ADAMTS6: variants seen among roughly 807,000 people sequenced by gnomAD.
The protein encoded by ADAMTS6 is ADAM metallopeptidase with thrombospondin type 1 motif 6, also known as A disintegrin and metalloproteinase with thrombospondin motifs 6.
In ADAMTS6, 23 loss-of-function variants were observed where a neutral mutation model predicts 144.3. That is an observed-to-expected ratio of 0.16 (90% CI 0.11 to 0.23). The LOEUF is 0.23. Among genes scored for constraint, ADAMTS6 ranks in the 10% least tolerant of loss-of-function variants. ADAMTS6 has a pLI of 1.00. For synonymous variants in ADAMTS6, 444 were observed against 457.5 expected (o/e 0.97, Z 0.38); for missense variants, 999 against 1,379.6 (o/e 0.72, Z 4.37).
At chr5:65,224,091 C>T (rs1369355067) in intron 18 of ADAMTS6, among the ~76,000 whole-genome samples, 3 of 152,110 alleles carry the variant, frequency 2.0e-5, no homozygotes, top group South Asian at 4.1e-4. Flanking sequence ...TGAGCCACAG[C>T]GCCTGGCCTG....
At chr5:65,353,133 T>C (rs1290955646) in intron 7 of ADAMTS6, among the ~76,000 whole-genome samples, 1 of 152,042 alleles carries the variant, frequency 6.6e-6, no homozygotes, top group Non-Finnish European at 1.5e-5. Flanking sequence ...TATGTTGTTA[T>C]CTATGAGGTG....
chr5:65,306,811 G>A (rs1743980806), intron 9 of ADAMTS6, among the ~76,000 whole-genome samples: 2 of 152,120 alleles, frequency 1.3e-5, no homozygotes, highest in South Asian at 4.1e-4. Context: ...TACGCTTATT[G>A]ACATCTCAGA....
intron 22 of ADAMTS6, among the ~76,000 whole-genome samples, chr5:65,174,127 G>C (rs1753803556): frequency 6.6e-6 from 1 of 152,006 alleles, no homozygotes; most frequent in Non-Finnish European, 1.5e-5. Flanking sequence ...AACATTTCCA[G>C]ATCTCCTACA....
chr5:65,247,548 C>T (rs1342254807), intron 14 of ADAMTS6, among the ~76,000 whole-genome samples: 1 of 152,078 alleles, frequency 6.6e-6, no homozygotes, highest in Non-Finnish European at 1.5e-5. Context: ...AAACTCTTAC[C>T]TTCAAGAGAA....
intron 7 of ADAMTS6, among the ~76,000 whole-genome samples, chr5:65,419,110 C>A (rs1755799327): frequency 6.6e-6 from 1 of 152,160 alleles, no homozygotes; most frequent in South Asian, 2.1e-4. Context: ...CTGTTCATCA[C>A]CGCACTATTC....
At chr5:65,325,425 T>G (rs945250510) in intron 9 of ADAMTS6, among the ~76,000 whole-genome samples, 1 of 151,990 alleles carries the variant, frequency 6.6e-6, no homozygotes, top group African/African-American at 2.4e-5. Context: ...ATTCCTACGG[T>G]TGAGACAAGA....
At chr5:65,397,487 C>CATA (rs59575556) in intron 7 of ADAMTS6, among the ~76,000 whole-genome samples, 55,371 of 151,662 alleles carry the variant, frequency 0.37, 10,343 homozygotes, top group South Asian at 0.44. Context: ...TGCTGCCTCT[C>CATA]ATAAATTTTG....
intron 4 of ADAMTS6, among the ~76,000 whole-genome samples, chr5:65,454,275 C>T (rs115949991): frequency 1.3e-5 from 2 of 152,148 alleles, no homozygotes; most frequent in South Asian, 2.1e-4. Context: ...TATTCTGTTA[C>T]AGCAGCAAGA....
At position 65,451,489 on chromosome 5, in the gene ADAMTS6, T is replaced by C; in HGVS notation, c.1059A>G (p.Ala353=). 3 of 1,613,448 alleles carry C rather than the reference T, an allele frequency of 1.9e-6. No individual in the cohort carries two copies. Among genetic ancestry groups the C allele is most frequent in the Non-Finnish European group, 2.5e-6 (3 of 1,179,764 alleles). ...PENGIAHHDN[A]VLITRYDICT... ...ACAAACCATACCTAGTAATAAGAACTGCATTATCGTGGTGGGCAATCCCAT... is the reference window on the plus strand; with the variant it reads ...ACAAACCATACCTAGTAATAAGAACCGCATTATCGTGGTGGGCAATCCCAT... The change falls in exon 7 of 25, where the codon GCA becomes GCG. Residue 353 remains alanine, a synonymous_variant. Coordinates refer to ENST00000381055, the MANE Select transcript of ADAMTS6 (RefSeq NM_197941.4).
Position 65,188,250 on chromosome 5 carries a change from A to T in ADAMTS6, c.2706-30T>A, listed in dbSNP as rs147833956. ...AGCAAGACATGGAAGAAACACAGAAAAGCATTTCCTCAGTGCATCCAGAGA... is the reference window on the plus strand; with the variant it reads ...AGCAAGACATGGAAGAAACACAGAATAGCATTTCCTCAGTGCATCCAGAGA... On this transcript the variant is annotated intron_variant, in intron 21 of 24. Coordinates refer to ENST00000381055, the MANE Select transcript of ADAMTS6 (RefSeq NM_197941.4). The T allele has an allele frequency of 3.9e-4, 628 of 1,608,650 alleles. 4 individuals are homozygous for T. In the African/African-American group the frequency reaches 7.8e-3, roughly 20 times the overall value.
rs1349577015 is a variant in ADAMTS6, at chr5:65,159,291, C to T, written c.3245-7346G>A. Among the ~76,000 whole-genome samples the T allele has an allele frequency of 4.6e-5, 7 of 152,172 alleles. No individual in the cohort carries two copies. The East Asian group carries it at 1.3e-3, about 29-fold the overall frequency. On this transcript the variant is annotated intron_variant, in intron 24 of 24. Coordinates refer to ENST00000381055, the MANE Select transcript of ADAMTS6 (RefSeq NM_197941.4). Reference sequence around the variant, plus strand: ...AGGCTGCCCTCCCTCTGCTTCGTTACCCTTCTGTCATCCTGAGCATATCAA... The same window carrying T: ...AGGCTGCCCTCCCTCTGCTTCGTTATCCTTCTGTCATCCTGAGCATATCAA...
intron 3 of ADAMTS6, 34 bp downstream of exon 3, chr5:65,470,744 C>T (rs775119324): frequency 4.0e-6 from 6 of 1,501,990 alleles, no homozygotes; most frequent in South Asian, 1.4e-5. Context: ...TCTTATTTTC[C>T]CATCAGAAGT....
chr5:65,275,324 G>C (rs1414075344), intron 11 of ADAMTS6, among the ~76,000 whole-genome samples: 5 of 139,142 alleles, frequency 3.6e-5, no homozygotes, highest in African/African-American at 1.3e-4. Context: ...GAAAGAGAGA[G>C]AGACAGAGAG....
At chr5:65,260,566 C>T (rs769514860) in intron 14 of ADAMTS6, 34 bp downstream of exon 14, 1 of 1,592,830 alleles carries the variant, frequency 6.3e-7, no homozygotes, top group Non-Finnish European at 8.6e-7. Flanking sequence ...AAAGAGTAAG[C>T]TAATTTTTCA....
At chr5:65,391,321 A>G (rs1752891626) in intron 7 of ADAMTS6, among the ~76,000 whole-genome samples, 1 of 152,180 alleles carries the variant, frequency 6.6e-6, no homozygotes. Context: ...GAAAATGAAA[A>G]TAGCACAAGG....
chr5:65,395,097 G>A (rs1753227134), intron 7 of ADAMTS6, among the ~76,000 whole-genome samples: 2 of 152,060 alleles, frequency 1.3e-5, no homozygotes, highest in South Asian at 4.1e-4. Flanking sequence ...ATCTAAGTAT[G>A]TGTATGGAAC....
chr5:65,163,228 A>G (rs905037281), intron 24 of ADAMTS6, among the ~76,000 whole-genome samples: 1 of 151,738 alleles, frequency 6.6e-6, no homozygotes, highest in African/African-American at 2.4e-5. Flanking sequence ...TTTTTTTTTT[A>G]AAGATAATTT....
intron 7 of ADAMTS6, among the ~76,000 whole-genome samples, chr5:65,414,288 T>G (rs1755311136): frequency 6.6e-6 from 1 of 152,228 alleles, no homozygotes; most frequent in South Asian, 2.1e-4. Context: ...TGTTTATTTT[T>G]TATTTACTTT....
intron 7 of ADAMTS6, among the ~76,000 whole-genome samples, chr5:65,442,098 A>G (rs1244800881): frequency 6.6e-6 from 1 of 151,858 alleles, no homozygotes; most frequent in African/African-American, 2.4e-5. Context: ...GAAAAATGAA[A>G]AAAAAAAAAC....
Sources: allele counts gnomAD v4.1 joint callset (sites outside exome capture counted in the v4.1 genomes callset), GRCh38; gene constraint gnomAD v4.1.1; transcripts MANE v1.5; gene names NCBI Gene and HGNC (gene_info 2026-07-23, HGNC 2026-07-21).